Variants in ASB3 observed in about 807,000 individuals in gnomAD.
ASB3 encodes the protein ankyrin repeat and SOCS box protein 3.
A neutral mutation model predicts 54.5 loss-of-function variants in ASB3; 41 were observed. The observed-to-expected ratio is 0.75, with a 90% CI of 0.59 to 0.98. ASB3 has a LOEUF of 0.98. ASB3 is among the 50% of genes least tolerant of loss of function. The probability of loss-of-function intolerance (pLI) is 0.00; values close to 1 mark genes in which losing one functional copy is unlikely to be tolerated. For synonymous variants in ASB3, 266 were observed against 221.2 expected (o/e 1.20, Z -1.80); for missense variants, 733 against 620.0 (o/e 1.18, Z -1.94).
In ASB3 at chr2:53,714,427, C is replaced by G. The variant is rs774543468; in HGVS notation, c.937G>C (p.Val313Leu). 6.2e-7 allele frequency: 1 copy of G among 1,614,218 alleles called. No homozygotes were observed. The highest frequency in any genetic ancestry group is 1.1e-5 in the South Asian group (1 of 91,088). Residue 313 changes from valine (V) to leucine (L), a missense_variant, in exon 7 of 10, where the codon GTT becomes CTT. Coordinates refer to ENST00000263634, the MANE Select transcript of ASB3 (RefSeq NM_016115.5). Reference protein sequence around the residue: ...GYSPDAQACLVFGFSSPVCMA... With the variant: ...GYSPDAQACLLFGFSSPVCMA... ...CACACAGGAGAACTGAATCCAAAAA[C>G]AAGGCACGCCTGGGCGTCTGGGCTG...
chr2:53,670,844 TTATTTA>T (rs1667773675), intron 9 of ASB3, among the ~76,000 whole-genome samples, 154 bp from the exon 10 acceptor site: 1 of 152,232 alleles, frequency 6.6e-6, no homozygotes, highest in Non-Finnish European at 1.5e-5. Context: ...ACAATAAACC[TTATTTA>T]TTCTTTTCTA....
chr2:53,725,648 T>A (rs1670952951), intron 5 of ASB3, among the ~76,000 whole-genome samples: 1 of 152,198 alleles, frequency 6.6e-6, no homozygotes, highest in Non-Finnish European at 1.5e-5. Context: ...TTTAAATTTC[T>A]AGAATACATT....
At chr2:53,691,815 A>T (rs1333294283) in intron 9 of ASB3, among the ~76,000 whole-genome samples, 1 of 152,162 alleles carries the variant, frequency 6.6e-6, no homozygotes, top group Admixed American at 6.5e-5. Flanking sequence ...CCAGCATTGT[A>T]ATGGTACCTA....
At chr2:53,706,539 C>G (rs540590192) in intron 7 of ASB3, among the ~76,000 whole-genome samples, 2 of 152,054 alleles carry the variant, frequency 1.3e-5, no homozygotes, top group Non-Finnish European at 2.9e-5. Context: ...TCTGCCTCCC[C>G]GGTTCACGCC....
chr2:53,748,692 C>G (rs987996357), intron 3 of ASB3, among the ~76,000 whole-genome samples: 2 of 152,046 alleles, frequency 1.3e-5, no homozygotes, highest in African/African-American at 2.4e-5. Context: ...AATCAATGAC[C>G]TGAACTCTTA....
chr2:53,755,900 C>T (rs1007104467), intron 2 of ASB3, among the ~76,000 whole-genome samples: 1 of 152,070 alleles, frequency 6.6e-6, no homozygotes, highest in Admixed American at 6.5e-5. Context: ...GCCTGTAATC[C>T]CAGCACTTTG....
chr2:53,717,850 T>A (rs912680610), intron 5 of ASB3, among the ~76,000 whole-genome samples: 18 of 152,072 alleles, frequency 1.2e-4, no homozygotes, highest in African/African-American at 4.3e-4. Context: ...AAGGAATCAA[T>A]CAGAGCTTCT....
At chr2:53,712,508 CA>C (rs1187720380) in intron 7 of ASB3, among the ~76,000 whole-genome samples, 1 of 152,154 alleles carries the variant, frequency 6.6e-6, no homozygotes, top group Non-Finnish European at 1.5e-5. Context: ...AGATCTTTCC[CA>C]CCTAATTTCA....
chr2:53,684,899 G>A (rs569141693), intron 9 of ASB3, among the ~76,000 whole-genome samples: 18 of 152,260 alleles, frequency 1.2e-4, no homozygotes, highest in Middle Eastern at 3.4e-3. Context: ...ATTTAGAGAT[G>A]AATTACTACA....
intron 3 of ASB3, among the ~76,000 whole-genome samples, chr2:53,740,765 C>G (rs1671889648): frequency 6.6e-6 from 1 of 152,136 alleles, no homozygotes; most frequent in African/African-American, 2.4e-5. Flanking sequence ...TGGTTTCTAA[C>G]AGACAGGGAG....
intron 3 of ASB3, among the ~76,000 whole-genome samples, chr2:53,749,684 G>T (rs1358555709): frequency 6.6e-6 from 1 of 151,988 alleles, no homozygotes; most frequent in Non-Finnish European, 1.5e-5. Context: ...AAAGTATCAT[G>T]ACAGCTAAAG....
At chr2:53,761,941 T>C (rs1197656848) in intron 2 of ASB3, among the ~76,000 whole-genome samples, 1 of 152,202 alleles carries the variant, frequency 6.6e-6, no homozygotes, top group Non-Finnish European at 1.5e-5. Flanking sequence ...AATAGAAGAA[T>C]GGTTACATAA....
At chr2:53,707,952 ACT>A in intron 7 of ASB3, among the ~76,000 whole-genome samples, 1 of 133,972 alleles carries the variant, frequency 7.5e-6, no homozygotes, top group Non-Finnish European at 1.6e-5. Flanking sequence ...ATAGAGTCAG[ACT>A]CTGTCTCAAA....
intron 3 of ASB3, among the ~76,000 whole-genome samples, chr2:53,735,393 T>C (rs535894744): frequency 6.6e-6 from 1 of 150,690 alleles, no homozygotes; most frequent in Admixed American, 6.6e-5. Context: ...AAAATCAACA[T>C]GCCTAACACA....
intron 8 of ASB3, among the ~76,000 whole-genome samples, chr2:53,697,685 C>T (rs1669260157): frequency 6.6e-6 from 1 of 152,158 alleles, no homozygotes. Context: ...AAAAGGGAGA[C>T]ATATCCAAGA....
intron 3 of ASB3, among the ~76,000 whole-genome samples, chr2:53,740,240 T>C (rs1401967985): frequency 3.9e-5 from 6 of 152,230 alleles, no homozygotes; most frequent in African/African-American, 1.4e-4. Context: ...AACAGTAAAA[T>C]TATTTTTTCA....
At chr2:53,773,727 C>A (rs748326454) in intron 1 of ASB3, among the ~76,000 whole-genome samples, 1 of 151,644 alleles carries the variant, frequency 6.6e-6, no homozygotes, top group African/African-American at 2.4e-5. Context: ...CCGCTCCTGG[C>A]CCACTTTTAA....
rs560642567 is a variant in ASB3 at position 53,781,793 on chromosome 2, C to A, written c.-14+5028G>T. Among the ~76,000 whole-genome samples the A allele has an allele frequency of 3.9e-5, 6 of 152,314 alleles. No individual in the cohort carries two copies. The East Asian group carries it at 1.2e-3, about 29-fold the overall frequency. On this transcript the variant is annotated intron_variant, in intron 1 of 9. Transcript: ENST00000263634. The stretch of plus-strand genomic sequence containing the variant: ...TACAGGCGTGAGCCACCACGCCCGG[C>A]GGAGATTCTTTTTTAATTAGGACAA...
At chr2:53,735,575 C>T (rs552918267) in intron 3 of ASB3, among the ~76,000 whole-genome samples, 14 of 148,694 alleles carry the variant, frequency 9.4e-5, no homozygotes, top group Admixed American at 2.7e-4. Context: ...AACAATCTAA[C>T]GATTCAATGT....
Sources: gnomAD v4.1 joint callset for allele counts (sites outside exome capture counted in the v4.1 genomes callset) on GRCh38, gnomAD v4.1.1 for gene constraint, MANE v1.5 for transcripts, NCBI Gene and HGNC (gene_info 2026-07-23, HGNC 2026-07-21) for gene names.